Variants in TTC7A observed in about 807,000 individuals in gnomAD.
TTC7A encodes the protein tetratricopeptide repeat domain 7A.
Under a neutral mutation model 103.7 loss-of-function variants are expected in TTC7A, and 110 were observed. That is an observed-to-expected ratio of 1.06 (90% CI 0.91 to 1.24). The LOEUF (loss-of-function observed/expected upper bound fraction) is 1.24. Among genes scored for constraint, TTC7A ranks in the 50% most tolerant of loss-of-function variants. The pLI is 0.00. For missense variants in TTC7A, 1,340 were observed against 1,116.3 expected, an observed-to-expected ratio of 1.20 and a Z score of -2.86; for synonymous variants, 521 against 467.9, an observed-to-expected ratio of 1.11 and a Z score of -1.47.
intron 16 of TTC7A, chr2:47,047,235 C>T (rs774579893): frequency 4.3e-6 from 6 of 1,402,778 alleles, no homozygotes; most frequent in South Asian, 3.8e-5. Context: ...CTCAGGGGAC[C>T]CCAGTCTGGT....
At chr2:47,051,168 G>A (rs1293496489) in intron 17 of TTC7A, among the ~76,000 whole-genome samples, 1 of 152,190 alleles carries the variant, frequency 6.6e-6, no homozygotes, top group African/African-American at 2.4e-5. Flanking sequence ...AACAGAAGGT[G>A]AAAATAGCCA....
intron 15 of TTC7A, among the ~76,000 whole-genome samples, chr2:47,045,368 C>G (rs1682204694): frequency 6.6e-6 from 1 of 152,216 alleles, no homozygotes; most frequent in African/African-American, 2.4e-5. Context: ...AGTGTCATGA[C>G]TGGCCTGTGA....
At chr2:47,059,879 A>G (rs942073186) in intron 18 of TTC7A, among the ~76,000 whole-genome samples, 18 of 152,186 alleles carry the variant, frequency 1.2e-4, no homozygotes, top group Admixed American at 1.1e-3. Flanking sequence ...TACTTGTGCA[A>G]GGTGCGGTGG....
intron 13 of TTC7A, 91 bp downstream of exon 13, chr2:47,023,556 G>C (rs1679527305): frequency 7.6e-7 from 1 of 1,321,162 alleles, no homozygotes; most frequent in Admixed American, 1.8e-5. Flanking sequence ...GATGTGGGCA[G>C]AACAAACATT....
At chr2:47,036,760 G>T (rs367857117) in intron 15 of TTC7A, among the ~76,000 whole-genome samples, 1 of 152,186 alleles carries the variant, frequency 6.6e-6, no homozygotes, top group Non-Finnish European at 1.5e-5. Flanking sequence ...TGGGAGGCTG[G>T]GGTGAGAGGA....
intron 14 of TTC7A, among the ~76,000 whole-genome samples, chr2:47,027,028 G>A (rs900601989): frequency 2.5e-4 from 38 of 152,264 alleles, no homozygotes; most frequent in Middle Eastern, 3.4e-3. Context: ...TATGTAGCTG[G>A]CAGATTCTTT....
intron 2 of TTC7A, among the ~76,000 whole-genome samples, chr2:46,921,671 A>AG (rs1351659617): frequency 6.6e-6 from 1 of 152,224 alleles, no homozygotes; most frequent in Admixed American, 6.5e-5. Context: ...TTTTGGCACC[A>AG]GGGACCAGTT....
chr2:47,072,205 G>A (rs1332469969), intron 19 of TTC7A, among the ~76,000 whole-genome samples: 1 of 152,180 alleles, frequency 6.6e-6, no homozygotes, highest in Non-Finnish European at 1.5e-5. Context: ...CATCTGGCGA[G>A]AGCGTAAGAC....
chr2:47,074,257 G>A lies in TTC7A; in HGVS notation c.*334G>A, dbSNP rs1019785930. On this transcript the variant is annotated 3_prime_UTR_variant, in exon 20 of 20. Transcript: ENST00000319190. ...ATGCCTCTGGCTTGGAGTCTGGGTG[G>A]GGGGTTCTCACTCCCCACTCTCAGC... The A allele has an allele frequency of 2.8e-6, 1 of 362,740 alleles. No individual in the cohort carries two copies. The highest frequency in any genetic ancestry group is 3.0e-5 in the South Asian group (1 of 33,350). The allele number at this position is 362,740 out of a possible 1,614,324, so 22.5% of individuals were successfully genotyped here. A position where few individuals can be genotyped will look rare whatever the true frequency, so the allele number is the denominator to read the frequency against.
chr2:46,935,822 G>C (rs1669948527), intron 2 of TTC7A, among the ~76,000 whole-genome samples: 1 of 152,148 alleles, frequency 6.6e-6, no homozygotes, highest in South Asian at 2.1e-4. Context: ...AGGTGTGATG[G>C]CTCACACCTA....
chr2:46,961,600 T>TAAATAAATAAATAAATA (rs1289737572), intron 3 of TTC7A, among the ~76,000 whole-genome samples: 46 of 149,874 alleles, frequency 3.1e-4, no homozygotes, highest in South Asian at 1.1e-3. Context: ...AATAAATAAA[T>TAAATAAATAAATAAATA]AAATAAAATA....
chr2:46,993,307 C>T, intron 5 of TTC7A, 143 bp from the exon 6 acceptor site: 1 of 738,040 alleles, frequency 1.4e-6, no homozygotes, highest in Non-Finnish European at 2.3e-6. Context: ...GGTGTTACAA[C>T]TCTAACTTTT....
intron 3 of TTC7A, among the ~76,000 whole-genome samples, chr2:46,967,073 C>A (rs1010616908): frequency 1.3e-5 from 2 of 151,846 alleles, no homozygotes; most frequent in Non-Finnish European, 2.9e-5. Flanking sequence ...ATTAGCCAGG[C>A]GTGGTGGCGC....
At chr2:46,940,893 C>T (rs1173779164), upstream of TTC7A, among the ~76,000 whole-genome samples, 2 of 152,164 alleles carry the variant, frequency 1.3e-5, no homozygotes, top group East Asian at 3.9e-4. This position sits in a 1 kb window ranked among gnomAD's most constrained non-coding sequence, Gnocchi z 4.7. Context: ...GGGGCAGCAG[C>T]GGTGACGGGG....
At chr2:47,043,066 G>C (rs184240934) in intron 15 of TTC7A, among the ~76,000 whole-genome samples, 1 of 152,344 alleles carries the variant, frequency 6.6e-6, no homozygotes, top group South Asian at 2.1e-4. Flanking sequence ...GCATGCCAGG[G>C]CTCCGCCAGG....
intron 14 of TTC7A, among the ~76,000 whole-genome samples, chr2:47,025,216 C>G (rs1679758807): frequency 6.6e-6 from 1 of 152,234 alleles, no homozygotes; most frequent in African/African-American, 2.4e-5. Flanking sequence ...GCAGCCCTGC[C>G]TGCTGGGGAT....
At chr2:47,004,871 C>T (rs1337829231) in intron 8 of TTC7A, among the ~76,000 whole-genome samples, 5 of 151,990 alleles carry the variant, frequency 3.3e-5, no homozygotes, top group African/African-American at 1.2e-4. Context: ...TCCCTTTCCA[C>T]CTTTTGCCCC....
chr2:47,039,406 G>A (rs1201188177), intron 15 of TTC7A, among the ~76,000 whole-genome samples: 1 of 152,226 alleles, frequency 6.6e-6, no homozygotes, highest in Non-Finnish European at 1.5e-5. Flanking sequence ...CAAGAGTGGT[G>A]TGCTGGGGTG....
chr2:47,040,335 C>G (rs1021019363), intron 15 of TTC7A: 6 of 152,300 alleles, frequency 3.9e-5, no homozygotes, highest in African/African-American at 1.2e-4. Flanking sequence ...CACTGACCCA[C>G]GCTCCTTCCC....
Sources: allele counts gnomAD v4.1 joint callset (sites outside exome capture counted in the v4.1 genomes callset), GRCh38; gene constraint gnomAD v4.1.1; non-coding constraint Gnocchi (gnomAD v3.1); transcripts MANE v1.5; gene names NCBI Gene and HGNC (gene_info 2026-07-23, HGNC 2026-07-21).